Variants in PRLR observed in about 807,000 individuals in gnomAD.
PRLR encodes prolactin receptor, also known as hPRL receptor.
A neutral mutation model predicts 40.2 loss-of-function variants in PRLR; 13 were observed. That is an observed-to-expected ratio of 0.32 (90% CI 0.21 to 0.51). The LOEUF (loss-of-function observed/expected upper bound fraction) is 0.51. PRLR is among the 20% of genes least tolerant of loss of function. The pLI is 0.97. For synonymous variants in PRLR, 269 were observed against 278.7 expected (o/e 0.97, Z 0.35); for missense variants, 656 against 747.3 (o/e 0.88, Z 1.42).
At chr5:35,086,578 T>TGTGG (rs1770866050) in intron 3 of PRLR, among the ~76,000 whole-genome samples, 1 of 152,042 alleles carries the variant, frequency 6.6e-6, no homozygotes, top group African/African-American at 2.4e-5. Context: ...TGTGTGTGTG[T>TGTGG]GTGTGTGTGT....
At chr5:35,090,915 A>G (rs554940537) in intron 2 of PRLR, among the ~76,000 whole-genome samples, 2 of 143,516 alleles carry the variant, frequency 1.4e-5, no homozygotes, top group South Asian at 4.4e-4. Flanking sequence ...GATTCACGCC[A>G]TTCTCCTGCC....
chr5:35,101,826 T>TTA (rs1239412508), intron 2 of PRLR, among the ~76,000 whole-genome samples: 332 of 147,588 alleles, frequency 2.2e-3, no homozygotes, highest in African/African-American at 7.2e-3. Flanking sequence ...GTTTTATATA[T>TTA]TATATATATA....
chr5:35,196,314 G>A (rs1775735011), intron 1 of PRLR, among the ~76,000 whole-genome samples: 1 of 152,154 alleles, frequency 6.6e-6, no homozygotes, highest in African/African-American at 2.4e-5. Context: ...TAAAAGGACA[G>A]GGAGTGAAGA....
At chr5:35,198,838 A>G (rs968911462) in intron 1 of PRLR, among the ~76,000 whole-genome samples, 2 of 152,204 alleles carry the variant, frequency 1.3e-5, no homozygotes, top group South Asian at 2.1e-4. Context: ...TTTCAGCCAC[A>G]TGTCCTCAAC....
chr5:35,125,374 T>C (rs1773425345), intron 1 of PRLR, among the ~76,000 whole-genome samples: 1 of 152,182 alleles, frequency 6.6e-6, no homozygotes, highest in African/African-American at 2.4e-5. Flanking sequence ...TGTAAATCCA[T>C]CTTTCCCTGA....
intron 1 of PRLR, among the ~76,000 whole-genome samples, chr5:35,123,676 T>C (rs750247390): frequency 1.3e-4 from 20 of 152,236 alleles, no homozygotes; most frequent in Non-Finnish European, 2.1e-4. Flanking sequence ...AAAGTCAGGC[T>C]GCTTCTCTCT....
intron 3 of PRLR, among the ~76,000 whole-genome samples, chr5:35,087,716 T>G (rs964767110): frequency 8.5e-5 from 13 of 152,116 alleles, no homozygotes; most frequent in Non-Finnish European, 1.8e-4. Context: ...AGTGTAAAAT[T>G]TTTTAGTTGC....
At chr5:35,181,387 C>T (rs781189710) in intron 1 of PRLR, among the ~76,000 whole-genome samples, 1 of 152,052 alleles carries the variant, frequency 6.6e-6, no homozygotes, top group African/African-American at 2.4e-5. Context: ...GATTTGGAAC[C>T]CTTAATTTCA....
chr5:35,190,467 T>C (rs1351543845), intron 1 of PRLR, among the ~76,000 whole-genome samples: 2 of 152,068 alleles, frequency 1.3e-5, no homozygotes, highest in Admixed American at 1.3e-4. Flanking sequence ...TAGCTGGGCA[T>C]AGTGGCAGGT....
chr5:35,168,276 T>C lies in PRLR; in HGVS notation c.-105-50154A>G, dbSNP rs74773299. 7.0e-4 allele frequency among the ~76,000 whole-genome samples: 106 copies of C among 152,176 alleles called. 1 individual carries two copies. The East Asian group carries it at 0.017, about 25-fold the overall frequency. ...AATCATAGAAGATGTTAGCGCACCA[T>C]TCTCATATCTGATTAAACATGAAAA... On this transcript the variant is annotated intron_variant, in intron 1 of 9. Coordinates refer to ENST00000618457, the MANE Select transcript of PRLR (RefSeq NM_000949.7).
chr5:35,096,952 G>C (rs1771571906), intron 2 of PRLR, among the ~76,000 whole-genome samples: 1 of 152,080 alleles, frequency 6.6e-6, no homozygotes, highest in Non-Finnish European at 1.5e-5. Context: ...TTTGTCCCTG[G>C]ACATTCTCAC....
At chr5:35,071,173 T>C (rs1245971927) in intron 6 of PRLR, among the ~76,000 whole-genome samples, 2 of 152,158 alleles carry the variant, frequency 1.3e-5, no homozygotes, top group East Asian at 3.8e-4. Flanking sequence ...TCAACCTACA[T>C]CTAATCAAGT....
At chr5:35,128,742 A>G (rs572003429) in intron 1 of PRLR, among the ~76,000 whole-genome samples, 10 of 152,330 alleles carry the variant, frequency 6.6e-5, no homozygotes, top group Admixed American at 2.6e-4. Context: ...ATAGCAATGA[A>G]CAAGAAGGCA....
intron 5 of PRLR, among the ~76,000 whole-genome samples, chr5:35,074,394 A>C (rs554744487): frequency 1.3e-5 from 2 of 151,856 alleles, no homozygotes; most frequent in Non-Finnish European, 2.9e-5. Context: ...TCTGGGAGGC[A>C]GAGGTTGCAG....
At chr5:35,139,711 G>A (rs1228927083) in intron 1 of PRLR, among the ~76,000 whole-genome samples, 1 of 152,184 alleles carries the variant, frequency 6.6e-6, no homozygotes, top group East Asian at 1.9e-4. Flanking sequence ...ATTTGCATCT[G>A]AGAGGTGTTT....
chr5:35,065,498 T>C lies in PRLR; in HGVS notation c.1460A>G (p.Asp487Gly). Residue 487 changes from aspartate (D) to glycine (G), a missense_variant, in exon 10 of 10, where the codon GAC (aspartate) becomes GGC (glycine). This residue lies in a region of PRLR where 469 missense variants were observed against 491.5 expected (regional missense o/e 0.95). Transcript: ENST00000618457. ...REVESFHSET[D>G]QDTPWLLPQE... ...GGGCAGCAGCCAGGGCGTATCCTGGTCAGTCTCAGAATGGAAGCTTTCTAC... is the reference window on the plus strand; with the variant it reads ...GGGCAGCAGCCAGGGCGTATCCTGGCCAGTCTCAGAATGGAAGCTTTCTAC... The C allele has an allele frequency of 3.1e-6, 5 of 1,614,146 alleles. No homozygotes were observed. The highest frequency in any genetic ancestry group is 1.6e-4 in the Middle Eastern group (1 of 6,062).
At chr5:35,116,190 T>G (rs1773007026) in intron 2 of PRLR, among the ~76,000 whole-genome samples, 1 of 152,116 alleles carries the variant, frequency 6.6e-6, no homozygotes, top group Admixed American at 6.6e-5. Context: ...CACTTAAAGA[T>G]GAATAGGAAG....
intron 1 of PRLR, among the ~76,000 whole-genome samples, chr5:35,172,823 G>A (rs1484913677): frequency 6.6e-6 from 1 of 152,108 alleles, no homozygotes; most frequent in East Asian, 1.9e-4. Context: ...GTTATAGAGG[G>A]GACTTGATTT....
rs149572214 is a variant in PRLR, at chr5:35,162,860, T to A, written c.-105-44738A>T. 2.4e-3 allele frequency among the ~76,000 whole-genome samples: 360 copies of A among 152,326 alleles called. 1 individual carries two copies. The highest frequency in any genetic ancestry group is 8.3e-3 in the African/African-American group (345 of 41,566). ...AAATGATTCACTGTTTTAGAAATCA[T>A]TGCCTTGTGAGTGGAAGGGGAGTAC... is the stretch of plus-strand genomic sequence containing the variant. On this transcript the variant is annotated intron_variant, in intron 1 of 9. Coordinates refer to ENST00000618457, the MANE Select transcript of PRLR (RefSeq NM_000949.7).
Sources: gnomAD v4.1 joint callset for allele counts (sites outside exome capture counted in the v4.1 genomes callset) on GRCh38, gnomAD v4.1.1 for gene constraint, gnomAD v4.1.1 regional missense constraint, MANE v1.5 for transcripts, NCBI Gene and HGNC (gene_info 2026-07-23, HGNC 2026-07-21) for gene names.